Variants in FBXL13 observed in about 807,000 individuals in gnomAD.
FBXL13 encodes F-box and leucine-rich repeat protein 13.
A neutral mutation model predicts 83.6 loss-of-function variants in FBXL13; 67 were observed. The ratio of observed to expected loss-of-function variants is 0.80; its 90% CI spans 0.66 to 0.98. The LOEUF (loss-of-function observed/expected upper bound fraction) is 0.98, where lower values mean the gene tolerates loss of function less well. FBXL13 is among the 50% of genes least tolerant of loss of function. The pLI is 0.00. For missense variants in FBXL13, 822 were observed against 866.5 expected, an observed-to-expected ratio of 0.95 and a Z score of 0.64; for synonymous variants, 272 against 299.5, an observed-to-expected ratio of 0.91 and a Z score of 0.95.
At chr7:102,821,994 CA>C (rs1221912299) in intron 19 of FBXL13, 45 bp downstream of exon 20, 12 of 1,588,496 alleles carry the variant, frequency 7.6e-6, no homozygotes, top group Non-Finnish European at 1.0e-5. Flanking sequence ...TATGTTTTCT[CA>C]GAAAGTAGTT....
intron 14 of FBXL13, among the ~76,000 whole-genome samples, chr7:102,881,436 C>CAAAAA (rs34979881): frequency 8.1e-5 from 5 of 61,402 alleles, no homozygotes; most frequent in Non-Finnish European, 1.7e-4. Context: ...GACTCCATCT[C>CAAAAA]AAAAAAAAAA....
At chr7:103,019,100 G>C (rs1275797948) in intron 6 of FBXL13, among the ~76,000 whole-genome samples, 1 of 152,150 alleles carries the variant, frequency 6.6e-6, no homozygotes, top group African/African-American at 2.4e-5. Context: ...AAATGTAAAA[G>C]AACAGAAATT....
At chr7:102,942,960 T>C (rs1330577897) in intron 8 of FBXL13, among the ~76,000 whole-genome samples, 1 of 152,196 alleles carries the variant, frequency 6.6e-6, no homozygotes, top group Non-Finnish European at 1.5e-5. Flanking sequence ...AACCCAGGTG[T>C]AGATTTCTTT....
chr7:102,930,060 T>C (rs1306747078), intron 9 of FBXL13, among the ~76,000 whole-genome samples: 1 of 151,856 alleles, frequency 6.6e-6, no homozygotes, highest in Non-Finnish European at 1.5e-5. Flanking sequence ...TTTAGGCAGA[T>C]GGAAAAACAA....
intron 14 of FBXL13, among the ~76,000 whole-genome samples, chr7:102,878,997 C>A (rs1230462491): frequency 1.3e-5 from 2 of 152,210 alleles, no homozygotes; most frequent in Non-Finnish European, 2.9e-5. Flanking sequence ...TCAGAAACTT[C>A]TTCTGTGTGT....
chr7:102,951,012 G>A (rs1313068492), intron 8 of FBXL13, among the ~76,000 whole-genome samples: 1 of 152,140 alleles, frequency 6.6e-6, no homozygotes, highest in African/African-American at 2.4e-5. Context: ...GACTTTGGGT[G>A]ATAATGATGC....
chr7:102,944,777 G>A (rs1218381581), intron 8 of FBXL13: 4 of 591,902 alleles, frequency 6.8e-6, no homozygotes, highest in Non-Finnish European at 1.1e-5. Context: ...TCAAGAGAAT[G>A]CTATCATCCT....
At chr7:102,972,889 G>A (rs1826892557) in intron 6 of FBXL13, among the ~76,000 whole-genome samples, 1 of 151,822 alleles carries the variant, frequency 6.6e-6, no homozygotes, top group African/African-American at 2.4e-5. Flanking sequence ...CAATATTAAT[G>A]TAGCTATCTA....
At chr7:103,028,891 T>C (rs1456531709) in intron 3 of FBXL13, 143 bp from the exon 5 acceptor site, 18 of 572,694 alleles carry the variant, frequency 3.1e-5, no homozygotes, top group Non-Finnish European at 4.6e-5. Context: ...ACAACTTGGG[T>C]ATGACCTGAA....
At chr7:102,889,560 C>T (rs1018575620) in intron 11 of FBXL13, among the ~76,000 whole-genome samples, 13 of 152,122 alleles carry the variant, frequency 8.5e-5, no homozygotes, top group African/African-American at 3.1e-4. Flanking sequence ...ATCCCTCCCC[C>T]AGTCCCCCAC....
At chr7:103,003,278 G>GTTTTTTTTT (rs563726626) in intron 6 of FBXL13, among the ~76,000 whole-genome samples, 6 of 75,926 alleles carry the variant, frequency 7.9e-5, no homozygotes, top group Non-Finnish European at 1.4e-4. Context: ...TTGTTTTGGG[G>GTTTTTTTTT]TTTTTTTTTT....
intron 6 of FBXL13, among the ~76,000 whole-genome samples, chr7:103,002,604 T>A (rs978480309): frequency 6.6e-6 from 1 of 152,236 alleles, no homozygotes; most frequent in African/African-American, 2.4e-5. Context: ...TTGGTGTTGA[T>A]GAATTCTTTA....
At chr7:102,934,462 C>G (rs1311393766) in intron 8 of FBXL13, 3 of 1,613,996 alleles carry the variant, frequency 1.9e-6, no homozygotes, top group Non-Finnish European at 2.5e-6. Flanking sequence ...TTCCCAGGAA[C>G]CGGAATTTGG....
chr7:103,058,182 A>T (rs938149352), intron 1 of FBXL13, among the ~76,000 whole-genome samples: 5 of 152,166 alleles, frequency 3.3e-5, no homozygotes, highest in Non-Finnish European at 7.3e-5. Flanking sequence ...CTTAGTGTAC[A>T]GCCTTCAAGC....
At chr7:103,052,191 A>G (rs1796884902) in intron 2 of FBXL13, among the ~76,000 whole-genome samples, 1 of 152,224 alleles carries the variant, frequency 6.6e-6, no homozygotes, top group Non-Finnish European at 1.5e-5. Context: ...GCCAGTTATA[A>G]CGGTATGGAA....
intron 1 of FBXL13, among the ~76,000 whole-genome samples, chr7:103,059,261 G>A (rs1444059533): frequency 1.3e-5 from 2 of 152,176 alleles, no homozygotes; most frequent in Non-Finnish European, 2.9e-5. Flanking sequence ...CTGGGTGGCA[G>A]AGAAAGACCT....
intron 11 of FBXL13, among the ~76,000 whole-genome samples, chr7:102,908,994 C>G (rs1346366271): frequency 6.6e-6 from 1 of 152,212 alleles, no homozygotes; most frequent in Non-Finnish European, 1.5e-5. Flanking sequence ...GTGGTGAGGT[C>G]CCCCAGACCC....
Position 102,836,654 on chromosome 7 carries a change from G to A in FBXL13, c.1720-3680C>T, listed in dbSNP as rs1031975982. ...AATTTTGCTGTGTGTTGGCAATCTG[G>A]AAGAAAACTTCCATATCTCTTAGCG... On this transcript the variant is annotated intron_variant, in intron 17 of 19. Coordinates refer to ENST00000313221, the Ensembl canonical transcript of FBXL13. 3.4e-4 allele frequency among the ~76,000 whole-genome samples: 51 copies of A among 152,202 alleles called. 2 individuals carry two copies. Among genetic ancestry groups the A allele is most frequent in the Non-Finnish European group, 1.5e-5 (1 of 68,034 alleles).
chr7:102,896,019 A>C (rs939348124), intron 11 of FBXL13, among the ~76,000 whole-genome samples: 2 of 152,240 alleles, frequency 1.3e-5, no homozygotes, highest in Non-Finnish European at 2.9e-5. Context: ...CAGACAGGGG[A>C]ACAGCCAGTG....
Sources: gnomAD v4.1 joint callset for allele counts (sites outside exome capture counted in the v4.1 genomes callset) on GRCh38, gnomAD v4.1.1 for gene constraint, MANE v1.5 for transcripts, NCBI Gene and HGNC (gene_info 2026-07-23, HGNC 2026-07-21) for gene names.